Variants in DCAF8L2 observed in about 807,000 individuals in gnomAD.
The protein encoded by DCAF8L2 is DDB1- and CUL4-associated factor 8-like protein 2.
For synonymous variants in DCAF8L2, 200 were observed against 190.9 expected, an observed-to-expected ratio of 1.05 and a Z score of -0.39; for missense variants, 430 against 490.7, an observed-to-expected ratio of 0.88 and a Z score of 1.17.
chrX:27,657,326 C>T (rs947593108), intron 2 of DCAF8L2, among the ~76,000 whole-genome samples: 2 of 111,146 alleles, frequency 1.8e-5, no homozygotes, highest in Non-Finnish European at 3.8e-5. Flanking sequence ...CCTTTGTTAG[C>T]GTGTTACAGT....
the DCAF8L2 span, among the ~76,000 whole-genome samples, chrX:27,475,587 C>T: frequency 1.8e-5 from 2 of 111,693 alleles, no homozygotes; most frequent in African/African-American, 3.3e-5. Context: ...CACCTAACTC[C>T]TCTTTTACCT....
intron 4 of DCAF8L2, among the ~76,000 whole-genome samples, chrX:27,739,708 TA>T (rs1921743109): frequency 8.9e-6 from 1 of 112,065 alleles, no homozygotes; most frequent in Non-Finnish European, 1.9e-5. Flanking sequence ...TTGATGTAAA[TA>T]AAACAGAACT....
In DCAF8L2 at chrX:27,725,900, A is replaced by G. The variant is rs776262500; in HGVS notation, c.-59+9729A>G. 3.8e-4 allele frequency among the ~76,000 whole-genome samples: 42 copies of G among 111,364 alleles called. 1 individual carries two copies. In the South Asian group the frequency reaches 0.014, roughly 38 times the overall value. ...TATAAATCAGAACCGCTGTTAAAAA[A>G]TAAAACACTGCAAATACAAATGTTC... On this transcript the variant is annotated intron_variant, in intron 4 of 4. Coordinates refer to ENST00000451261, the MANE Select transcript of DCAF8L2 (RefSeq NM_001353450.2).
Position 27,677,902 on chromosome X carries a change from C to T in DCAF8L2, c.-153C>T, listed in dbSNP as rs1261265618. Reference sequence around the variant, plus strand: ...TTTCTGACCATACTGTGGAGCGGTGCTAATAAGGAGGTAAGAGTGGATGTA... The same window carrying T: ...TTTCTGACCATACTGTGGAGCGGTGTTAATAAGGAGGTAAGAGTGGATGTA... On this transcript the variant is annotated 5_prime_UTR_variant, in exon 3 of 5. Transcript: ENST00000451261. 1.8e-5 allele frequency: 2 copies of T among 111,343 alleles called. No homozygotes were observed. Among genetic ancestry groups the T allele is most frequent in the East Asian group, 5.6e-4 (2 of 3,552 alleles). The allele number at this position is 111,343 out of a possible 1,213,427, so 9.2% of individuals were successfully genotyped here. A position where few individuals can be genotyped will look rare whatever the true frequency, so the allele number is the denominator to read the frequency against.
At chrX:27,699,119 G>C (rs1014765505) in intron 3 of DCAF8L2, among the ~76,000 whole-genome samples, 6 of 111,482 alleles carry the variant, frequency 5.4e-5, no homozygotes, top group Admixed American at 9.6e-5. Context: ...GAAATGTTTT[G>C]AAAAAAATGT....
the DCAF8L2 span, among the ~76,000 whole-genome samples, chrX:27,469,958 G>A: frequency 4.5e-5 from 5 of 110,301 alleles, no homozygotes; most frequent in Admixed American, 9.7e-5. Flanking sequence ...AGTAGAGACT[G>A]GGTTTCTCCA....
chrX:27,533,045 C>T, the DCAF8L2 span, among the ~76,000 whole-genome samples: 1 of 101,327 alleles, frequency 9.9e-6, no homozygotes. Context: ...CCACTGCCCT[C>T]CAGCCTGAGT....
intron 1 of DCAF8L2, among the ~76,000 whole-genome samples, chrX:27,599,652 T>C (rs1424773879): frequency 9.0e-6 from 1 of 111,200 alleles, no homozygotes; most frequent in Non-Finnish European, 1.9e-5. Flanking sequence ...AAACAGGTTT[T>C]AAATTTCATA....
chrX:27,719,703 CCAAAGTG>C (rs1303606386), intron 4 of DCAF8L2, among the ~76,000 whole-genome samples: 3 of 111,203 alleles, frequency 2.7e-5, no homozygotes, highest in Middle Eastern at 4.6e-3. Context: ...CCTCAGCCTC[CCAAAGTG>C]CTGGGATAAC....
At chrX:27,543,062 G>A in the DCAF8L2 span, among the ~76,000 whole-genome samples, 97 of 112,110 alleles carry the variant, frequency 8.7e-4, no homozygotes, top group African/African-American at 3.0e-3. Flanking sequence ...TCTTTGCCAA[G>A]GCCAATGCCT....
chrX:27,545,344 C>T, the DCAF8L2 span, among the ~76,000 whole-genome samples: 83 of 111,751 alleles, frequency 7.4e-4, no homozygotes, highest in African/African-American at 2.0e-3. Context: ...ATTGGCTGTG[C>T]GCACTTATCA....
the DCAF8L2 span, among the ~76,000 whole-genome samples, chrX:27,579,615 TACAC>T: frequency 0.12 from 10,604 of 87,776 alleles, 608 homozygotes; most frequent in African/African-American, 0.2. Context: ...TTCAGAGAAA[TACAC>T]ACACACACAC....
chrX:27,503,798 G>A, the DCAF8L2 span, among the ~76,000 whole-genome samples: 3 of 111,465 alleles, frequency 2.7e-5, no homozygotes, highest in Non-Finnish European at 3.8e-5. Flanking sequence ...GTAACTATGT[G>A]CTTGTGGGTT....
chrX:27,720,372 A>ATT (rs200192610), intron 4 of DCAF8L2, among the ~76,000 whole-genome samples: 4 of 108,088 alleles, frequency 3.7e-5, no homozygotes, highest in African/African-American at 1.4e-4. Context: ...TATTATTATT[A>ATT]TTATTTTTTT....
intron 1 of DCAF8L2, among the ~76,000 whole-genome samples, chrX:27,595,231 A>G (rs1298103618): frequency 3.6e-5 from 4 of 111,538 alleles, no homozygotes; most frequent in Non-Finnish European, 7.5e-5. Context: ...GTTACAATGC[A>G]ATATAGGTCG....
chrX:27,706,804 A>G (rs1023706935), intron 3 of DCAF8L2, among the ~76,000 whole-genome samples: 1 of 111,904 alleles, frequency 8.9e-6, no homozygotes, highest in Non-Finnish European at 1.9e-5. Context: ...AAATGGAAAC[A>G]TATGCCAACA....
the DCAF8L2 span, among the ~76,000 whole-genome samples, chrX:27,550,451 C>T: frequency 0.31 from 34,444 of 109,988 alleles, 6,171 homozygotes; most frequent in African/African-American, 0.68. Flanking sequence ...CTCACCTCAG[C>T]CTCCAAAGTG....
intron 4 of DCAF8L2, among the ~76,000 whole-genome samples, chrX:27,719,712 T>C (rs1030417284): frequency 1.8e-5 from 2 of 111,717 alleles, no homozygotes; most frequent in South Asian, 3.7e-4. Flanking sequence ...CCCAAAGTGC[T>C]GGGATAACAG....
intron 3 of DCAF8L2, among the ~76,000 whole-genome samples, chrX:27,710,362 T>A (rs920624795): frequency 8.9e-6 from 1 of 111,840 alleles, no homozygotes; most frequent in Non-Finnish European, 1.9e-5. Flanking sequence ...TTGTGTTGAA[T>A]ATATAGATAA....
Sources: gnomAD v4.1 joint callset for allele counts (sites outside exome capture counted in the v4.1 genomes callset) on GRCh38, gnomAD v4.1.1 for gene constraint, MANE v1.5 for transcripts, NCBI Gene and HGNC (gene_info 2026-07-23, HGNC 2026-07-21) for gene names.